Variants in MYO5A observed in about 807,000 individuals in gnomAD.
MYO5A encodes the protein unconventional myosin-Va.
A neutral mutation model predicts 249.7 loss-of-function variants in MYO5A; 98 were observed. That is an observed-to-expected ratio of 0.39 (90% confidence interval 0.33 to 0.46). MYO5A has a LOEUF of 0.46. Ranked by LOEUF, MYO5A falls within the 20% of genes least tolerant of loss-of-function variation. The probability of loss-of-function intolerance (pLI) is 0.98; values close to 1 mark genes in which losing one functional copy is unlikely to be tolerated. For synonymous variants in MYO5A, 778 were observed against 810.6 expected, an observed-to-expected ratio of 0.96 and a Z score of 0.68; for missense variants, 1,696 against 2,308.8, an observed-to-expected ratio of 0.73 and a Z score of 5.44.
chr15:52,465,394 T>C (rs1316580188), intron 1 of MYO5A, among the ~76,000 whole-genome samples: 2 of 151,852 alleles, frequency 1.3e-5, no homozygotes, highest in South Asian at 2.1e-4. Context: ...TTTGAAAGAA[T>C]GGTTGGTATA....
At chr15:52,407,908 T>C (rs531855172) in intron 7 of MYO5A, 151 bp downstream of exon 7, 17 of 625,742 alleles carry the variant, frequency 2.7e-5, no homozygotes, top group Non-Finnish European at 4.2e-5. Context: ...TCTACCCCTA[T>C]GGGTTATTTT....
intron 1 of MYO5A, chr15:52,505,294 G>A: frequency 3.9e-6 from 3 of 776,880 alleles, no homozygotes; most frequent in Non-Finnish European, 7.2e-6. Flanking sequence ...AGCAGATGTG[G>A]CAGTATTTGA....
chr15:52,340,119 C>G, intron 32 of MYO5A, 77 bp downstream of exon 32: 2 of 1,507,038 alleles, frequency 1.3e-6, no homozygotes, highest in Non-Finnish European at 1.8e-6. Flanking sequence ...CAAGAAAAAC[C>G]CGTGTTTGAT....
intron 1 of MYO5A, among the ~76,000 whole-genome samples, chr15:52,477,362 T>C (rs2076618047): frequency 6.6e-6 from 1 of 152,180 alleles, no homozygotes; most frequent in South Asian, 2.1e-4. Flanking sequence ...TTGGAGAAGT[T>C]TGTTATTACT....
intron 16 of MYO5A, 145 bp from the exon 17 acceptor site, chr15:52,380,053 CA>C: frequency 1.2e-6 from 1 of 805,448 alleles, no homozygotes; most frequent in Non-Finnish European, 2.1e-6. Flanking sequence ...GAGCAGTGAT[CA>C]AAATGGAAAA....
chr15:52,438,014 C>T (rs769086913), intron 1 of MYO5A: 1 of 984,224 alleles, frequency 1.0e-6, no homozygotes, highest in Non-Finnish European at 1.2e-6. Flanking sequence ...AGGTCAGAAA[C>T]CATTCTATTA....
At chr15:52,395,358 T>C (rs560959427) in intron 11 of MYO5A, among the ~76,000 whole-genome samples, 14 of 152,200 alleles carry the variant, frequency 9.2e-5, no homozygotes, top group Admixed American at 6.5e-4. Flanking sequence ...ACTTGCAGTG[T>C]CTTTAAACAT....
chr15:52,496,093 GAA>G (rs5812611), intron 1 of MYO5A, among the ~76,000 whole-genome samples: 4 of 148,740 alleles, frequency 2.7e-5, no homozygotes, highest in East Asian at 2.0e-4. Flanking sequence ...AAAGAGAAAT[GAA>G]AAAAAAAAAG....
chr15:52,512,574 G>A (rs1370504159), intron 1 of MYO5A, among the ~76,000 whole-genome samples: 1 of 152,072 alleles, frequency 6.6e-6, no homozygotes, highest in Non-Finnish European at 1.5e-5. Context: ...AACATTAAGA[G>A]TATCTGAGGA....
intron 28 of MYO5A, 71 bp downstream of exon 28, chr15:52,351,183 T>A (rs2039931842): frequency 8.5e-7 from 1 of 1,170,814 alleles, no homozygotes; most frequent in Non-Finnish European, 1.3e-6. Flanking sequence ...CATTATAAAC[T>A]GGAGGGAAGG....
intron 33 of MYO5A, among the ~76,000 whole-genome samples, chr15:52,337,073 T>A (rs74502161): frequency 0.038 from 5,804 of 152,206 alleles, 154 homozygotes; most frequent in Middle Eastern, 0.054. Context: ...AATTAAAAGA[T>A]AAGTTGAAAA....
chr15:52,516,602 GA>G (rs2077500834), intron 1 of MYO5A, among the ~76,000 whole-genome samples: 1 of 152,180 alleles, frequency 6.6e-6, no homozygotes. Flanking sequence ...GCAATGACCT[GA>G]AGGCCTCACT....
intron 1 of MYO5A, among the ~76,000 whole-genome samples, chr15:52,494,172 T>C (rs2141551643): frequency 6.6e-6 from 1 of 152,330 alleles, no homozygotes; most frequent in Non-Finnish European, 1.5e-5. Flanking sequence ...AATGGTGTCA[T>C]CTTTGATCTC....
Position 52,328,006 on chromosome 15 carries a change from T to C in MYO5A, c.4556A>G (p.Glu1519Gly). Residue 1519 changes from glutamate (E) to glycine (G), a missense_variant and splice_region_variant, in exon 36 of 42, where the codon GAA becomes GGA. Physicochemically the swap from Glu to Gly is moderately conservative, Grantham distance 98 (BLOSUM62 -2). This residue lies in a region of MYO5A where 625 missense variants were observed against 908.1 expected (regional missense o/e 0.69). Transcript: ENST00000399233. ...EQKLVKNLILELKPRGVAVNL... is the reference protein window; with the variant it reads ...EQKLVKNLILGLKPRGVAVNL... The stretch of plus-strand genomic sequence containing the variant: ...GACTGCTACACCACGTGGCTTCAGT[T>C]CTAAAAAAGAAAAAATAATAATTTT... 6.2e-7 allele frequency: 1 copy of C among 1,610,996 alleles called. No individual in the cohort carries two copies.
At chr15:52,375,018 A>C (rs1339036462) in intron 20 of MYO5A, among the ~76,000 whole-genome samples, 1 of 152,118 alleles carries the variant, frequency 6.6e-6, no homozygotes, top group Non-Finnish European at 1.5e-5. Context: ...AATGGCTCAT[A>C]CCTATAATCT....
chr15:52,358,670 A>G (rs1201001282), intron 25 of MYO5A, among the ~76,000 whole-genome samples: 1 of 152,146 alleles, frequency 6.6e-6, no homozygotes, highest in East Asian at 1.9e-4. Context: ...AGGCCCAGGG[A>G]AGAGAAGCAA....
chr15:52,502,745 AT>A (rs1595805040), intron 1 of MYO5A, among the ~76,000 whole-genome samples: 1 of 152,200 alleles, frequency 6.6e-6, no homozygotes, highest in Non-Finnish European at 1.5e-5. Flanking sequence ...AGTAAATAAC[AT>A]TTTGGTTGAT....
chr15:52,472,568 C>T (rs1165769003), intron 1 of MYO5A, among the ~76,000 whole-genome samples: 3 of 152,176 alleles, frequency 2.0e-5, no homozygotes, highest in East Asian at 1.9e-4. Flanking sequence ...CAACAGGCCC[C>T]GGTGTGATGT....
intron 8 of MYO5A, among the ~76,000 whole-genome samples, chr15:52,405,826 C>A (rs1595613269): frequency 1.3e-5 from 2 of 152,376 alleles, no homozygotes; most frequent in Admixed American, 1.3e-4. Flanking sequence ...CATTGTCACA[C>A]ACTGGGTTTA....
Sources: allele counts gnomAD v4.1 joint callset (sites outside exome capture counted in the v4.1 genomes callset), GRCh38; gene constraint gnomAD v4.1.1; regional missense constraint gnomAD v4.1.1; transcripts MANE v1.5; gene names NCBI Gene and HGNC (gene_info 2026-07-23, HGNC 2026-07-21).